The following GALNTL6 variants were observed in gnomAD, a reference collection of about 807,000 sequenced individuals.
GALNTL6 encodes polypeptide N-acetylgalactosaminyltransferase-like 6.
A neutral mutation model predicts 73.7 loss-of-function variants in GALNTL6; 46 were observed. The observed-to-expected ratio is 0.62, with a 90% confidence interval of 0.49 to 0.80. GALNTL6 has a LOEUF of 0.80. Ranked by LOEUF, GALNTL6 falls within the 30% of genes least tolerant of loss-of-function variation. GALNTL6 has a pLI of 0.00. For synonymous variants in GALNTL6, 259 were observed against 263.7 expected (o/e 0.98, Z 0.17); for missense variants, 604 against 755.0 (o/e 0.80, Z 2.34).
intron 5 of GALNTL6, among the ~76,000 whole-genome samples, chr4:172,370,763 G>C (rs10017948): frequency 0.23 from 35,010 of 151,806 alleles, 4,558 homozygotes; most frequent in East Asian, 0.36. Flanking sequence ...CCCTAAGAAG[G>C]TACAAAGTCC....
chr4:172,415,390 G>T (rs1193942487), intron 5 of GALNTL6, among the ~76,000 whole-genome samples: 2 of 152,168 alleles, frequency 1.3e-5, no homozygotes, highest in African/African-American at 2.4e-5. Context: ...GCACAGCCAT[G>T]TGAGGGATTC....
chr4:172,145,834 A>C (rs1409209558), intron 2 of GALNTL6, among the ~76,000 whole-genome samples: 2 of 152,190 alleles, frequency 1.3e-5, no homozygotes, highest in African/African-American at 4.8e-5. Context: ...GAAGAAAAAC[A>C]CACAAAATTA....
intron 5 of GALNTL6, among the ~76,000 whole-genome samples, chr4:172,778,991 T>TCA (rs899878677): frequency 2.0e-5 from 3 of 151,054 alleles, no homozygotes; most frequent in East Asian, 3.9e-4. Context: ...TCTCTCTCTC[T>TCA]CACACACACA....
rs75022240 is a variant in GALNTL6, at chr4:172,880,544, G to A, written c.924-2246G>A. Among the ~76,000 whole-genome samples, 909 of 152,160 alleles carry A rather than the reference G, an allele frequency of 6.0e-3. 11 individuals carry two copies. The highest frequency in any genetic ancestry group is 0.021 in the African/African-American group (857 of 41,546). On this transcript the variant is annotated intron_variant, in intron 7 of 12. Transcript: ENST00000506823. The stretch of plus-strand genomic sequence containing the variant: ...TTACAAAGAGACATGAGGAAACTTT[G>A]ACAAATAATGGATAGGTCCATTTTC...
chr4:171,887,691 T>C (rs1336596528), intron 2 of GALNTL6, among the ~76,000 whole-genome samples: 9 of 152,208 alleles, frequency 5.9e-5, no homozygotes, highest in African/African-American at 2.2e-4. Flanking sequence ...TTGTTTCAAA[T>C]ACCACTTTCC....
chr4:172,694,713 G>T (rs1733576275), intron 5 of GALNTL6, among the ~76,000 whole-genome samples: 1 of 152,170 alleles, frequency 6.6e-6, no homozygotes, highest in Non-Finnish European at 1.5e-5. Context: ...TCATAGCTGA[G>T]ATCTGTAGAC....
At chr4:171,836,512 G>A (rs1268400435) in intron 2 of GALNTL6, among the ~76,000 whole-genome samples, 1 of 151,938 alleles carries the variant, frequency 6.6e-6, no homozygotes, top group East Asian at 1.9e-4. Context: ...TATAACTGAA[G>A]ACACCCCAGT....
rs58197299 is a variant in GALNTL6, at chr4:172,156,540, A to AGTATATATGTATATATATACT, written c.139-73116_139-73115insGTATATATGTATATATATACT. Among the ~76,000 whole-genome samples the AGTATATATGTATATATATACT allele has an allele frequency of 8.6e-4, 108 of 125,144 alleles. 3 individuals are homozygous for AGTATATATGTATATATATACT. Among genetic ancestry groups the AGTATATATGTATATATATACT allele is most frequent in the Middle Eastern group, 4.0e-3 (1 of 252 alleles). The allele number at this position is 125,144 out of a possible 152,430, so 82.1% of individuals were successfully genotyped here. A position where few individuals can be genotyped will look rare whatever the true frequency, so the allele number is the denominator to read the frequency against. ...TGACTTTAAATATACATATATATAT[A>AGTATATATGTATATATATACT]ATATATATATATATATATATATATA... is the stretch of plus-strand genomic sequence containing the variant. On this transcript the variant is annotated intron_variant, in intron 2 of 12. Coordinates refer to ENST00000506823, the MANE Select transcript of GALNTL6 (RefSeq NM_001034845.3).
At chr4:171,830,207 A>G (rs1309305190) in intron 2 of GALNTL6, among the ~76,000 whole-genome samples, 1 of 152,088 alleles carries the variant, frequency 6.6e-6, no homozygotes, top group Non-Finnish European at 1.5e-5. Context: ...TCTCTAATAG[A>G]ACTTCCAGAG....
At chr4:172,578,816 G>A (rs1737056611) in intron 5 of GALNTL6, among the ~76,000 whole-genome samples, 1 of 152,166 alleles carries the variant, frequency 6.6e-6, no homozygotes. Context: ...TATGGATGTG[G>A]TTATTAGATT....
chr4:172,354,034 GT>G (rs1742060175), intron 5 of GALNTL6, among the ~76,000 whole-genome samples: 1 of 152,064 alleles, frequency 6.6e-6, no homozygotes. Flanking sequence ...TGTGAAAAAG[GT>G]TGTAAAACCG....
intron 2 of GALNTL6, among the ~76,000 whole-genome samples, chr4:171,862,265 A>C (rs1256493564): frequency 1.3e-5 from 2 of 152,138 alleles, no homozygotes; most frequent in African/African-American, 4.8e-5. Context: ...TTATTGAAGA[A>C]GATAATATGA....
chr4:172,368,711 G>C (rs1158873567), intron 5 of GALNTL6, among the ~76,000 whole-genome samples: 3 of 151,512 alleles, frequency 2.0e-5, no homozygotes, highest in African/African-American at 7.3e-5. Flanking sequence ...TGTTCCTTCA[G>C]ATGTTCAGAT....
Position 172,927,653 on chromosome 4 carries a change from C to T in GALNTL6, c.1042-3508C>T, listed in dbSNP as rs548442736. Among the ~76,000 whole-genome samples the T allele has an allele frequency of 7.9e-5, 12 of 152,022 alleles. No homozygotes were observed. The South Asian group carries it at 2.5e-3, about 32-fold the overall frequency. ...GCATCTTTATTCACAGTGCTGGCAG[C>T]TAATGTTGGTCATCAGTTAAAACCC... On this transcript the variant is annotated intron_variant, in intron 8 of 12. Coordinates refer to ENST00000506823, the MANE Select transcript of GALNTL6 (RefSeq NM_001034845.3).
At chr4:172,614,222 T>C (rs941813258) in intron 5 of GALNTL6, among the ~76,000 whole-genome samples, 7 of 152,088 alleles carry the variant, frequency 4.6e-5, no homozygotes, top group African/African-American at 1.7e-4. Context: ...AATAGAGTGA[T>C]AGGTAGATAA....
chr4:171,987,922 C>G lies in GALNTL6; in HGVS notation c.138+173204C>G, dbSNP rs558048406. The stretch of plus-strand genomic sequence containing the variant: ...ATAATGTGGAAGTCGGGATTAAAGT[C>G]CAGGCCAGGAACAATGGTAATTATG... On this transcript the variant is annotated intron_variant, in intron 2 of 12. Coordinates refer to ENST00000506823, the MANE Select transcript of GALNTL6 (RefSeq NM_001034845.3). Among the ~76,000 whole-genome samples, 12 of 152,228 alleles carry G rather than the reference C, an allele frequency of 7.9e-5. No homozygotes were observed. The South Asian group carries it at 8.3e-4, about 11-fold the overall frequency.
At chr4:172,565,349 A>T (rs1165203405) in intron 5 of GALNTL6, among the ~76,000 whole-genome samples, 10 of 152,170 alleles carry the variant, frequency 6.6e-5, no homozygotes, top group African/African-American at 2.4e-4. Context: ...TGTATTATTG[A>T]GATGATCATG....
chr4:172,789,290 C>T (rs1739860681), intron 5 of GALNTL6, among the ~76,000 whole-genome samples: 1 of 152,162 alleles, frequency 6.6e-6, no homozygotes, highest in Non-Finnish European at 1.5e-5. Flanking sequence ...CTCAGGGAAA[C>T]ATGTATTTAG....
At chr4:172,561,193 C>T (rs1736346376) in intron 5 of GALNTL6, among the ~76,000 whole-genome samples, 1 of 136,170 alleles carries the variant, frequency 7.3e-6, no homozygotes, top group Non-Finnish European at 1.5e-5. Flanking sequence ...GCGGAGCTTG[C>T]AGTGAGCCGA....
Sources: allele counts gnomAD v4.1 joint callset (sites outside exome capture counted in the v4.1 genomes callset), GRCh38; gene constraint gnomAD v4.1.1; transcripts MANE v1.5; gene names NCBI Gene and HGNC (gene_info 2026-07-23, HGNC 2026-07-21).